The following POLA1 variants were observed in gnomAD, a reference collection of about 807,000 sequenced individuals.
The protein encoded by POLA1 is DNA polymerase alpha catalytic subunit.
POLA1 carries 15 observed loss-of-function variants against 124.0 expected under a neutral mutation model. The ratio of observed to expected loss-of-function variants is 0.12; its 90% CI spans 0.08 to 0.19. The LOEUF is 0.19. Ranked by LOEUF, POLA1 falls within the 10% of genes least tolerant of loss-of-function variation. The probability of loss-of-function intolerance (pLI) is 1.00; values close to 1 mark genes in which losing one functional copy is unlikely to be tolerated. For synonymous variants in POLA1, 408 were observed against 389.4 expected (o/e 1.05, Z -0.56); for missense variants, 886 against 1,103.4 (o/e 0.80, Z 2.79).
chrX:24,757,047 G>A (rs754866421), intron 26 of POLA1, among the ~76,000 whole-genome samples: 1 of 110,567 alleles, frequency 9.0e-6, no homozygotes, highest in Admixed American at 9.7e-5. Flanking sequence ...CTAATATGAA[G>A]GTTTAATGTA....
intron 36 of POLA1, among the ~76,000 whole-genome samples, chrX:24,971,344 C>T (rs1295605957): frequency 1.8e-5 from 2 of 112,416 alleles, no homozygotes; most frequent in Non-Finnish European, 3.8e-5. Context: ...ACGTGGACCT[C>T]AGTGAATGAA....
chrX:24,694,111 C>T (rs1363623592), intron 1 of POLA1, 107 bp downstream of exon 1: 5 of 798,768 alleles, frequency 6.3e-6, no homozygotes, highest in Non-Finnish European at 8.8e-6. Context: ...GGGCGCAGAC[C>T]TTGGTCGTCC....
chrX:24,715,600 C>A (rs1217890159), intron 6 of POLA1, among the ~76,000 whole-genome samples: 1 of 112,165 alleles, frequency 8.9e-6, no homozygotes, highest in Non-Finnish European at 1.9e-5. Flanking sequence ...GGCCTGTTGA[C>A]AGAATTTTTT....
At chrX:24,784,179 A>C (rs1475737635) in intron 26 of POLA1, among the ~76,000 whole-genome samples, 2 of 102,107 alleles carry the variant, frequency 2.0e-5, no homozygotes, top group Non-Finnish European at 3.9e-5. Flanking sequence ...CAGCTTCCTG[A>C]GTAGCTGGGA....
chrX:24,918,584 A>G (rs2047568593), intron 35 of POLA1, among the ~76,000 whole-genome samples: 1 of 112,313 alleles, frequency 8.9e-6, no homozygotes, highest in African/African-American at 3.2e-5. Flanking sequence ...CCTGCTTTAC[A>G]GATGAGGAAA....
At chrX:24,808,433 C>G in intron 26 of POLA1, among the ~76,000 whole-genome samples, 1 of 112,322 alleles carries the variant, frequency 8.9e-6, no homozygotes, top group African/African-American at 3.2e-5. Flanking sequence ...ATGGAATTGC[C>G]ATGATTATCT....
intron 35 of POLA1, among the ~76,000 whole-genome samples, chrX:24,899,962 T>G (rs776599174): frequency 8.9e-6 from 1 of 112,262 alleles, no homozygotes; most frequent in Non-Finnish European, 1.9e-5. Flanking sequence ...TAATGTTTTT[T>G]GTGTCCTATA....
Position 24,996,316 on chromosome X carries a change from G to GT in POLA1, c.*367dup, listed in dbSNP as rs1159194506. On this transcript the variant is annotated 3_prime_UTR_variant, in exon 37 of 37. Coordinates refer to ENST00000379068, the MANE Select transcript of POLA1 (RefSeq NM_001330360.2). ...CTTTGCCTCAGGGCCTTTAGCCTAT[G>GT]TCCCCCCCACATAAAGAGAGCTTCT... is the stretch of plus-strand genomic sequence containing the variant. The GT allele has an allele frequency of 3.0e-5, 4 of 134,655 alleles. No homozygotes were observed. The highest frequency in any genetic ancestry group is 4.4e-5 in the Non-Finnish European group (3 of 68,571). 11.1% of individuals were successfully genotyped at this position (134,655 alleles called of 1,213,427 possible). A position where few individuals can be genotyped will look rare whatever the true frequency, so the allele number is the denominator to read the frequency against.
At chrX:24,910,318 C>T (rs1001710052) in intron 35 of POLA1, among the ~76,000 whole-genome samples, 59 of 108,791 alleles carry the variant, frequency 5.4e-4, no homozygotes, top group African/African-American at 1.8e-3. Context: ...TGTCTTGTGC[C>T]AGTTTTCAAA....
chrX:24,750,109 A>C (rs1327705918), intron 26 of POLA1, among the ~76,000 whole-genome samples: 2 of 112,173 alleles, frequency 1.8e-5, no homozygotes, highest in African/African-American at 6.5e-5. Context: ...AACAGAGCTA[A>C]ACTCATTTAT....
chrX:24,746,981 C>G, intron 24 of POLA1, among the ~76,000 whole-genome samples: 1 of 111,578 alleles, frequency 9.0e-6, no homozygotes, highest in Admixed American at 9.5e-5. Context: ...GCTTCCCCTG[C>G]TTTTTCTTCC....
At chrX:24,855,369 C>T (rs2046629908) in intron 34 of POLA1, among the ~76,000 whole-genome samples, 1 of 111,507 alleles carries the variant, frequency 9.0e-6, no homozygotes, top group Non-Finnish European at 1.9e-5. Context: ...ATATCTACTA[C>T]CACAGTCAAG....
chrX:24,788,663 A>G, intron 26 of POLA1: 1 of 1,199,262 alleles, frequency 8.3e-7, no homozygotes, highest in East Asian at 3.0e-5. Context: ...CTTGGCAACA[A>G]GTGCAGGTTT....
At chrX:24,739,354 C>T (rs1339171910) in intron 19 of POLA1, 21 bp from the exon 20 acceptor site, 4 of 1,136,742 alleles carry the variant, frequency 3.5e-6, no homozygotes, top group Non-Finnish European at 4.7e-6. Context: ...ATGAAGTTTG[C>T]TTTTTGTTCC....
intron 32 of POLA1, among the ~76,000 whole-genome samples, chrX:24,828,695 G>A (rs2046212996): frequency 9.0e-6 from 1 of 111,673 alleles, no homozygotes; most frequent in Admixed American, 9.5e-5. Context: ...TGGTGACCCA[G>A]CACTGAGAGG....
chrX:24,703,839 T>A (rs979263196), intron 3 of POLA1, among the ~76,000 whole-genome samples: 2 of 111,979 alleles, frequency 1.8e-5, no homozygotes, highest in Non-Finnish European at 3.8e-5. Context: ...ATTAACTTGG[T>A]CAGTAGAAAG....
chrX:24,834,125 A>G (rs1249813813), intron 32 of POLA1, among the ~76,000 whole-genome samples: 1 of 109,889 alleles, frequency 9.1e-6, no homozygotes, highest in African/African-American at 3.3e-5. Flanking sequence ...AAAAAAAAAA[A>G]AAAAAGGAAG....
intron 34 of POLA1, among the ~76,000 whole-genome samples, chrX:24,886,049 T>C (rs772255251): frequency 2.2e-4 from 25 of 112,147 alleles, no homozygotes; most frequent in Non-Finnish European, 4.5e-4. Context: ...AAAACACTGA[T>C]TGGTTCATGA....
intron 26 of POLA1, among the ~76,000 whole-genome samples, chrX:24,801,924 G>GGGGTGTGTGTGTGTGTGTGTGT (rs759368851): frequency 2.7e-5 from 2 of 74,534 alleles, no homozygotes; most frequent in East Asian, 4.7e-4. Flanking sequence ...GAGGTGGGTG[G>GGGGTGTGTGTGTGTGTGTGTGT]GTGTGTGTGT....
Sources: allele counts gnomAD v4.1 joint callset (sites outside exome capture counted in the v4.1 genomes callset), GRCh38; gene constraint gnomAD v4.1.1; transcripts MANE v1.5; gene names NCBI Gene and HGNC (gene_info 2026-07-23, HGNC 2026-07-21).